The following MLIP variants were observed in gnomAD, a reference collection of about 807,000 sequenced individuals.
MLIP encodes the protein muscular LMNA interacting protein.
In MLIP, 79 loss-of-function variants were observed where a neutral mutation model predicts 84.8. The ratio of observed to expected loss-of-function variants is 0.93; its 90% CI spans 0.78 to 1.12. The LOEUF is 1.12. MLIP is among the 50% of genes most tolerant of loss of function. The probability of loss-of-function intolerance (pLI) is 0.00; values close to 1 mark genes in which losing one functional copy is unlikely to be tolerated. For synonymous variants in MLIP, 504 were observed against 463.0 expected, an observed-to-expected ratio of 1.09 and a Z score of -1.14; for missense variants, 1,257 against 1,160.6, an observed-to-expected ratio of 1.08 and a Z score of -1.21.
intron 12 of MLIP, among the ~76,000 whole-genome samples, chr6:54,251,450 A>G (rs1782476142): frequency 7.6e-6 from 1 of 131,600 alleles, no homozygotes; most frequent in Non-Finnish European, 1.5e-5. Context: ...CCATATATAT[A>G]TATATATATA....
intron 1 of MLIP, among the ~76,000 whole-genome samples, chr6:54,053,398 A>G (rs1415288413): frequency 6.6e-6 from 1 of 152,242 alleles, no homozygotes; most frequent in East Asian, 1.9e-4. Context: ...CTTTTCTTTC[A>G]TGGTTTAGAG....
At chr6:54,130,515 T>C (rs1582222145) in intron 3 of MLIP, among the ~76,000 whole-genome samples, 1 of 152,322 alleles carries the variant, frequency 6.6e-6, no homozygotes, top group East Asian at 1.9e-4. Context: ...CGCTTCTGCA[T>C]CCTTCTGTTC....
chr6:54,238,626 C>A (rs1781518831), intron 12 of MLIP, among the ~76,000 whole-genome samples: 1 of 152,154 alleles, frequency 6.6e-6, no homozygotes. Flanking sequence ...AGGACTAAGC[C>A]TTCACAGTCA....
chr6:54,075,449 A>G lies in MLIP; in HGVS notation c.64-45998A>G, dbSNP rs552422571. Among the ~76,000 whole-genome samples, 119 of 152,270 alleles carry G rather than the reference A, an allele frequency of 7.8e-4. 2 individuals carry two copies. Among genetic ancestry groups the G allele is most frequent in the Admixed American group, 7.8e-3 (119 of 15,300 alleles). On this transcript the variant is annotated intron_variant, in intron 1 of 12. Transcript: ENST00000274897. Reference sequence around the variant, plus strand: ...TTTTACCAATTTGATCAAATTCTTCAAGGCAACTTTTAATTATGCAGTAGT... The same window carrying G: ...TTTTACCAATTTGATCAAATTCTTCGAGGCAACTTTTAATTATGCAGTAGT...
intron 5 of MLIP, among the ~76,000 whole-genome samples, chr6:54,153,200 T>G (rs1411601730): frequency 6.6e-6 from 1 of 152,172 alleles, no homozygotes; most frequent in Non-Finnish European, 1.5e-5. Context: ...GAAAAACATT[T>G]TTTTTTGGTG....
chr6:54,089,870 G>A (rs950105536), intron 1 of MLIP, among the ~76,000 whole-genome samples: 1 of 152,066 alleles, frequency 6.6e-6, no homozygotes, highest in Non-Finnish European at 1.5e-5. Context: ...AATGAAATTG[G>A]ACTTGATTTA....
intron 1 of MLIP, among the ~76,000 whole-genome samples, chr6:54,026,365 T>C (rs1434631929): frequency 6.6e-6 from 1 of 152,212 alleles, no homozygotes; most frequent in East Asian, 1.9e-4. Context: ...TCCTGATCAT[T>C]TGGCAGACCA....
In MLIP at chr6:54,077,633, A is replaced by G. The variant is rs541893829; in HGVS notation, c.64-43814A>G. On this transcript the variant is annotated intron_variant, in intron 1 of 12. Coordinates refer to the MLIP transcript ENST00000274897. Reference sequence around the variant, plus strand: ...GGGGCTTTAACTGAACCCTCTGTAGAATTTGTAAACTCTGTATCTTATTAA... The same window carrying G: ...GGGGCTTTAACTGAACCCTCTGTAGGATTTGTAAACTCTGTATCTTATTAA... Among the ~76,000 whole-genome samples, 8 of 152,324 alleles carry G rather than the reference A, an allele frequency of 5.3e-5. No homozygotes were observed. The South Asian group carries it at 1.7e-3, about 32-fold the overall frequency.
At chr6:54,177,018 G>A (rs1167941619) in intron 9 of MLIP, among the ~76,000 whole-genome samples, 1 of 152,010 alleles carries the variant, frequency 6.6e-6, no homozygotes, top group Non-Finnish European at 1.5e-5. Context: ...ATTGAAACTG[G>A]ACCCCTTCCT....
intron 11 of MLIP, chr6:54,215,584 A>AC: frequency 5.0e-6 from 1 of 199,160 alleles, no homozygotes; most frequent in Non-Finnish European, 9.4e-6. Flanking sequence ...TGTAACTATT[A>AC]ATGTACTAGT....
chr6:54,180,098 GT>G (rs1441931150), intron 9 of MLIP, among the ~76,000 whole-genome samples: 1 of 151,912 alleles, frequency 6.6e-6, no homozygotes, highest in African/African-American at 2.4e-5. Flanking sequence ...TTTTGTTGTT[GT>G]TGTTTGTTTG....
intron 12 of MLIP, among the ~76,000 whole-genome samples, chr6:54,253,340 G>A (rs964159501): frequency 6.6e-6 from 1 of 152,106 alleles, no homozygotes. Context: ...TGTGAAGGAG[G>A]TTGACAAGAG....
At chr6:54,117,264 G>T (rs1277386309) in intron 1 of MLIP, among the ~76,000 whole-genome samples, 1 of 141,506 alleles carries the variant, frequency 7.1e-6, no homozygotes, top group African/African-American at 2.6e-5. Flanking sequence ...TGCCCAGGCT[G>T]GAGCACAGTG....
rs113580439 is a variant in MLIP at position 54,206,258 on chromosome 6, T to A, written c.2718+4025T>A. ...AATAATTCACCTCATTTACATAAAG[T>A]GTTATGTAAAAATCCTCTCTTTATA... On this transcript the variant is annotated intron_variant, in intron 11 of 13. Transcript: ENST00000502396. 4.2e-3 allele frequency among the ~76,000 whole-genome samples: 636 copies of A among 152,246 alleles called. 4 individuals are homozygous for A. The highest frequency in any genetic ancestry group is 0.014 in the African/African-American group (600 of 41,560).
chr6:54,231,992 A>G (rs1295351249), intron 12 of MLIP, among the ~76,000 whole-genome samples: 4 of 152,296 alleles, frequency 2.6e-5, no homozygotes, highest in South Asian at 2.1e-4. Context: ...TGATTAAACA[A>G]ATTTTAAAAT....
chr6:54,119,590 T>A (rs184157942), intron 1 of MLIP, among the ~76,000 whole-genome samples: 6 of 152,280 alleles, frequency 3.9e-5, no homozygotes, highest in African/African-American at 1.4e-4. Context: ...ATAATTACAG[T>A]TAGATAGAAG....
chr6:54,206,540 A>C (rs1160719390), intron 11 of MLIP, among the ~76,000 whole-genome samples: 1 of 152,088 alleles, frequency 6.6e-6, no homozygotes, highest in Non-Finnish European at 1.5e-5. Context: ...CCATTTAGAG[A>C]ATTTCCTCTG....
intron 12 of MLIP, among the ~76,000 whole-genome samples, chr6:54,234,537 A>C (rs143244348): frequency 1.2e-4 from 18 of 152,226 alleles, no homozygotes; most frequent in African/African-American, 4.1e-4. Context: ...TTCCTTGATG[A>C]TGCTGCAAAT....
chr6:54,119,827 C>T (rs78733469), intron 1 of MLIP, among the ~76,000 whole-genome samples: 3,029 of 152,236 alleles, frequency 0.02, 101 homozygotes, highest in African/African-American at 0.068. Context: ...TTATCTACAA[C>T]AAAAGTGGTT....
Sources: gnomAD v4.1 joint callset for allele counts (sites outside exome capture counted in the v4.1 genomes callset) on GRCh38, gnomAD v4.1.1 for gene constraint, MANE v1.5 for transcripts, NCBI Gene and HGNC (gene_info 2026-07-23, HGNC 2026-07-21) for gene names.